ATP6V1H: variants seen among roughly 807,000 people sequenced by gnomAD.
The protein encoded by ATP6V1H is V-type proton ATPase subunit H.
ATP6V1H carries 39 observed loss-of-function variants against 71.7 expected under a neutral mutation model. The ratio of observed to expected loss-of-function variants is 0.54; its 90% CI spans 0.42 to 0.71. The LOEUF is 0.71. Ranked by LOEUF, ATP6V1H falls within the 30% of genes least tolerant of loss-of-function variation. ATP6V1H has a pLI of 0.00. For missense variants in ATP6V1H, 509 were observed against 594.9 expected, an observed-to-expected ratio of 0.86 and a Z score of 1.50; for synonymous variants, 192 against 199.3, an observed-to-expected ratio of 0.96 and a Z score of 0.31.
chr8:53,755,305 C>T (rs527417793), intron 12 of ATP6V1H, among the ~76,000 whole-genome samples: 105 of 152,180 alleles, frequency 6.9e-4, no homozygotes, highest in African/African-American at 2.5e-3. Flanking sequence ...ATTCCAATAG[C>T]TAACTTCACT....
intron 13 of ATP6V1H, among the ~76,000 whole-genome samples, chr8:53,727,643 A>G (rs528125188): frequency 1.2e-4 from 18 of 152,252 alleles, no homozygotes; most frequent in African/African-American, 4.3e-4. Context: ...TTTTCAGGTA[A>G]TCTCATCCCC....
chr8:53,720,499 A>C (rs1268138279), intron 13 of ATP6V1H, among the ~76,000 whole-genome samples: 1 of 152,248 alleles, frequency 6.6e-6, no homozygotes, highest in African/African-American at 2.4e-5. Context: ...GGCACCAGGA[A>C]GCACTTACTT....
intron 13 of ATP6V1H, among the ~76,000 whole-genome samples, chr8:53,731,443 G>A (rs1000128766): frequency 9.9e-5 from 15 of 152,206 alleles, no homozygotes; most frequent in African/African-American, 2.9e-4. Context: ...CCTAACCACT[G>A]TATTATCTAC....
intron 10 of ATP6V1H, among the ~76,000 whole-genome samples, chr8:53,770,294 C>A (rs1808609173): frequency 6.6e-6 from 1 of 152,014 alleles, no homozygotes; most frequent in Admixed American, 6.5e-5. Context: ...AGACTAAATA[C>A]AAAAGCCTCT....
intron 13 of ATP6V1H, among the ~76,000 whole-genome samples, chr8:53,722,208 C>T (rs902958648): frequency 2.6e-5 from 4 of 152,218 alleles, no homozygotes; most frequent in Admixed American, 1.3e-4. Context: ...CCAGCCCTGT[C>T]ACAGATCGGC....
intron 8 of ATP6V1H, among the ~76,000 whole-genome samples, chr8:53,798,957 A>G (rs555473483): frequency 2.0e-4 from 31 of 152,292 alleles, no homozygotes; most frequent in African/African-American, 6.0e-4. Flanking sequence ...CATTTGTTGT[A>G]CTCAGTATAC....
Position 53,769,640 on chromosome 8 carries a change from C to T in ATP6V1H, c.1153G>A (p.Glu385Lys), listed in dbSNP as rs1808586479. ...FWRENAVRLN[E>K]KNYELLKILT... ...TACTTCAAGAGTTCATAATTCTTCT[C>T]ATTTAACCTCACAGCATTCTCTCTC... is the stretch of plus-strand genomic sequence containing the variant. The change falls in exon 11 of 14, where the codon GAG becomes AAG. Residue 385 changes from glutamate to lysine, a missense_variant. By Grantham distance (56) the Glu-to-Lys change is moderately conservative (BLOSUM62 1). Around this residue, in one of 2 missense-constraint regions of ATP6V1H, gnomAD observed 212 missense variants for 291.6 expected, o/e 0.73. Coordinates refer to ENST00000359530, the MANE Select transcript of ATP6V1H (RefSeq NM_015941.4). 1 of 1,612,990 alleles carries T rather than the reference C, an allele frequency of 6.2e-7. No homozygotes were observed. The highest frequency in any genetic ancestry group is 1.1e-5 in the South Asian group (1 of 90,944).
intron 13 of ATP6V1H, among the ~76,000 whole-genome samples, chr8:53,730,100 A>G (rs929578754): frequency 7.9e-5 from 12 of 152,206 alleles, no homozygotes; most frequent in African/African-American, 2.7e-4. Flanking sequence ...CAGCCTGGCT[A>G]TGAATGTAGA....
At chr8:53,826,069 G>GA (rs1449167409) in intron 4 of ATP6V1H, among the ~76,000 whole-genome samples, 6 of 151,996 alleles carry the variant, frequency 3.9e-5, no homozygotes, top group South Asian at 2.1e-4. Context: ...ATAATTCAGG[G>GA]AAAAAAATGT....
chr8:53,729,585 G>A (rs1224014286), intron 13 of ATP6V1H, among the ~76,000 whole-genome samples: 1 of 152,204 alleles, frequency 6.6e-6, no homozygotes, highest in Non-Finnish European at 1.5e-5. Flanking sequence ...CTAATGTGCT[G>A]AAGCTCACCC....
At chr8:53,754,001 C>T (rs1807901809) in intron 12 of ATP6V1H, among the ~76,000 whole-genome samples, 1 of 152,122 alleles carries the variant, frequency 6.6e-6, no homozygotes, top group African/African-American at 2.4e-5. Context: ...GTGCTAGTCC[C>T]CCAAGCCTCA....
chr8:53,842,114 T>C (rs1230170988), intron 1 of ATP6V1H, among the ~76,000 whole-genome samples: 1 of 152,228 alleles, frequency 6.6e-6, no homozygotes, highest in East Asian at 1.9e-4. Context: ...ATAGTACGGA[T>C]AAGGCTAGTT....
At chr8:53,821,416 C>A (rs1381586725) in intron 4 of ATP6V1H, among the ~76,000 whole-genome samples, 4 of 151,330 alleles carry the variant, frequency 2.6e-5, no homozygotes, top group African/African-American at 9.7e-5. Context: ...GGTGCGATGG[C>A]TCACACCTGA....
At chr8:53,821,196 C>A (rs557630898) in intron 4 of ATP6V1H, among the ~76,000 whole-genome samples, 1 of 151,328 alleles carries the variant, frequency 6.6e-6, no homozygotes, top group Non-Finnish European at 1.5e-5. Flanking sequence ...CATGGTAAAA[C>A]TCCATCTCTA....
chr8:53,738,363 G>A (rs926694471), intron 13 of ATP6V1H, among the ~76,000 whole-genome samples: 1 of 151,278 alleles, frequency 6.6e-6, no homozygotes, highest in Non-Finnish European at 1.5e-5. Flanking sequence ...AATATGCCAA[G>A]GGATCACAGA....
intron 11 of ATP6V1H, among the ~76,000 whole-genome samples, chr8:53,758,328 G>T (rs990303079): frequency 6.6e-6 from 1 of 151,930 alleles, no homozygotes; most frequent in Non-Finnish European, 1.5e-5. Context: ...TTGTTCTCAA[G>T]AAAAGAAAAA....
chr8:53,764,222 C>T (rs1808371466), intron 11 of ATP6V1H, among the ~76,000 whole-genome samples: 1 of 152,028 alleles, frequency 6.6e-6, no homozygotes, highest in Non-Finnish European at 1.5e-5. Flanking sequence ...AAAAACATCA[C>T]AAGAAAGGAA....
intron 13 of ATP6V1H, among the ~76,000 whole-genome samples, chr8:53,738,562 C>G (rs1197351286): frequency 6.6e-6 from 1 of 152,206 alleles, no homozygotes; most frequent in African/African-American, 2.4e-5. Flanking sequence ...AAAACATGAA[C>G]TAGATCCACA....
intron 10 of ATP6V1H, 114 bp downstream of exon 10, chr8:53,771,875 G>T: frequency 1.1e-6 from 1 of 898,674 alleles, no homozygotes; most frequent in Non-Finnish European, 1.7e-6. Flanking sequence ...ACGTATTTTA[G>T]TGGACTCTCT....
Sources: allele counts gnomAD v4.1 joint callset (sites outside exome capture counted in the v4.1 genomes callset), GRCh38; gene constraint gnomAD v4.1.1; regional missense constraint gnomAD v4.1.1; transcripts MANE v1.5; gene names NCBI Gene and HGNC (gene_info 2026-07-23, HGNC 2026-07-21).